The following MAGI2 variants were observed in gnomAD, a reference collection of about 807,000 sequenced individuals.
The protein encoded by MAGI2 is membrane associated guanylate kinase, WW and PDZ domain containing 2.
MAGI2 carries 35 observed loss-of-function variants against 133.3 expected under a neutral mutation model. The observed-to-expected ratio is 0.26, with a 90% CI of 0.20 to 0.35. The LOEUF (loss-of-function observed/expected upper bound fraction) is 0.35, where lower values mean the gene tolerates loss of function less well. Ranked by LOEUF, MAGI2 falls within the 10% of genes least tolerant of loss-of-function variation. The pLI is 1.00. For synonymous variants in MAGI2, 729 were observed against 710.6 expected (o/e 1.03, Z -0.41); for missense variants, 1,636 against 1,863.4 (o/e 0.88, Z 2.25).
At chr7:79,069,079 A>G (rs1394756155) in intron 1 of MAGI2, among the ~76,000 whole-genome samples, 2 of 151,174 alleles carry the variant, frequency 1.3e-5, no homozygotes, top group African/African-American at 2.4e-5. Context: ...TATTCTGTTG[A>G]TTTGGGGTAG....
intron 2 of MAGI2, among the ~76,000 whole-genome samples, chr7:78,815,885 G>A (rs889966158): frequency 1.3e-5 from 2 of 152,178 alleles, no homozygotes; most frequent in Non-Finnish European, 2.9e-5. Context: ...TGGCTGCAAA[G>A]TATTCAAGTT....
At chr7:79,124,237 A>G (rs1820189509) in intron 1 of MAGI2, among the ~76,000 whole-genome samples, 1 of 152,216 alleles carries the variant, frequency 6.6e-6, no homozygotes, top group Admixed American at 6.5e-5. Context: ...ACCATTGTTT[A>G]GTGTTTTTAA....
At chr7:79,398,836 A>C (rs906507161) in intron 1 of MAGI2, among the ~76,000 whole-genome samples, 1 of 152,146 alleles carries the variant, frequency 6.6e-6, no homozygotes, top group African/African-American at 2.4e-5. Flanking sequence ...GGAAACTACA[A>C]GTAAAAAAGA....
chr7:79,314,775 T>C (rs1204801718), intron 1 of MAGI2, among the ~76,000 whole-genome samples: 1 of 152,184 alleles, frequency 6.6e-6, no homozygotes, highest in Non-Finnish European at 1.5e-5. Flanking sequence ...CTGTGACTTT[T>C]ATTGGGACAT....
At chr7:79,238,823 G>T (rs1291767302) in intron 1 of MAGI2, among the ~76,000 whole-genome samples, 2 of 151,828 alleles carry the variant, frequency 1.3e-5, no homozygotes, top group South Asian at 2.1e-4. Flanking sequence ...TTCTTTTAAG[G>T]TATTACTAAT....
chr7:79,009,638 C>A (rs1185762460), intron 1 of MAGI2, among the ~76,000 whole-genome samples: 1 of 152,140 alleles, frequency 6.6e-6, no homozygotes, highest in Non-Finnish European at 1.5e-5. Context: ...ACCTGCTGAG[C>A]CTCAGGACAT....
At chr7:78,510,732 T>C (rs1359234922) in intron 4 of MAGI2, among the ~76,000 whole-genome samples, 4 of 152,212 alleles carry the variant, frequency 2.6e-5, no homozygotes, top group Admixed American at 2.0e-4. Flanking sequence ...AAGTTCTCTA[T>C]TATGTTCTCT....
intron 2 of MAGI2, among the ~76,000 whole-genome samples, chr7:78,772,179 T>G (rs1478516419): frequency 6.6e-6 from 1 of 152,198 alleles, no homozygotes. Flanking sequence ...GTGGAGACCA[T>G]CTCTTCTATC....
At chr7:79,100,000 AT>A (rs1423176638) in intron 1 of MAGI2, among the ~76,000 whole-genome samples, 1 of 152,148 alleles carries the variant, frequency 6.6e-6, no homozygotes, top group Non-Finnish European at 1.5e-5. Flanking sequence ...GTGTGTGAAC[AT>A]TTTTTAGAAG....
chr7:79,230,736 G>A (rs1831296371), intron 1 of MAGI2, among the ~76,000 whole-genome samples: 1 of 152,144 alleles, frequency 6.6e-6, no homozygotes, highest in East Asian at 1.9e-4. Context: ...CTCCTTTTTT[G>A]TAGGTTGCCT....
intron 1 of MAGI2, among the ~76,000 whole-genome samples, chr7:79,261,675 A>C (rs180873841): frequency 1.3e-5 from 2 of 152,220 alleles, no homozygotes; most frequent in African/African-American, 4.8e-5. Context: ...TTAGCCTCAC[A>C]TTGTCTAGAT....
chr7:78,668,882 G>C (rs1404022751), intron 2 of MAGI2, among the ~76,000 whole-genome samples: 2 of 151,638 alleles, frequency 1.3e-5, no homozygotes, highest in Admixed American at 6.6e-5. Context: ...TGAGAACAAA[G>C]ACACAACATA....
intron 21 of MAGI2, among the ~76,000 whole-genome samples, chr7:78,037,347 T>C (rs1486176848): frequency 1.3e-5 from 2 of 152,178 alleles, no homozygotes; most frequent in African/African-American, 4.8e-5. Flanking sequence ...TTTCTACTCC[T>C]GTGTTGTGAA....
At chr7:78,585,316 T>C (rs566023904) in intron 3 of MAGI2, among the ~76,000 whole-genome samples, 13 of 152,288 alleles carry the variant, frequency 8.5e-5, no homozygotes, top group Non-Finnish European at 1.6e-4. Context: ...GTACTCATCT[T>C]ACAAGGGTTA....
intron 21 of MAGI2, among the ~76,000 whole-genome samples, chr7:78,058,161 G>C (rs1812841444): frequency 6.6e-6 from 1 of 151,844 alleles, no homozygotes; most frequent in Non-Finnish European, 1.5e-5. Flanking sequence ...GAAAAACCCA[G>C]TGTATGAAAG....
intron 1 of MAGI2, among the ~76,000 whole-genome samples, chr7:79,255,637 G>C (rs1420648891): frequency 6.6e-6 from 1 of 152,054 alleles, no homozygotes; most frequent in Non-Finnish European, 1.5e-5. Context: ...AGTGTCTCTG[G>C]AGGTCTGCCA....
intron 3 of MAGI2, among the ~76,000 whole-genome samples, chr7:78,583,224 G>A (rs916267126): frequency 2.6e-5 from 4 of 152,110 alleles, no homozygotes; most frequent in African/African-American, 9.7e-5. Flanking sequence ...TAAAAATTAT[G>A]AAAATAGGCT....
intron 2 of MAGI2, among the ~76,000 whole-genome samples, chr7:78,650,752 A>G (rs1320337464): frequency 1.3e-5 from 2 of 152,180 alleles, no homozygotes; most frequent in African/African-American, 4.8e-5. Context: ...ACTATTAATC[A>G]TTTCAAACAC....
chr7:78,171,226 G>A (rs1253671499), intron 14 of MAGI2, among the ~76,000 whole-genome samples: 2 of 152,134 alleles, frequency 1.3e-5, no homozygotes, highest in African/African-American at 2.4e-5. Flanking sequence ...CTTTGCCACC[G>A]TAGGGACTGG....
Sources: allele counts gnomAD v4.1 joint callset (sites outside exome capture counted in the v4.1 genomes callset), GRCh38; gene constraint gnomAD v4.1.1; transcripts MANE v1.5; gene names NCBI Gene and HGNC (gene_info 2026-07-23, HGNC 2026-07-21).